Variants in R3HDM1 observed in about 807,000 individuals in gnomAD.
R3HDM1 encodes the protein R3H domain containing 1, also known as R3H domain-containing protein 1.
In R3HDM1, 46 loss-of-function variants were observed where a neutral mutation model predicts 141.1. The observed-to-expected ratio is 0.33, with a 90% confidence interval of 0.26 to 0.42. The LOEUF (loss-of-function observed/expected upper bound fraction) is 0.42, where lower values mean the gene tolerates loss of function less well. R3HDM1 is among the 10% of genes least tolerant of loss of function. The probability of loss-of-function intolerance (pLI) is 1.00; values close to 1 mark genes in which losing one functional copy is unlikely to be tolerated. For synonymous variants in R3HDM1, 435 were observed against 472.9 expected (o/e 0.92, Z 1.04); for missense variants, 1,184 against 1,368.3 (o/e 0.87, Z 2.12).
chr2:135,538,700 G>A (rs988360169), intron 1 of R3HDM1, among the ~76,000 whole-genome samples: 5 of 152,176 alleles, frequency 3.3e-5, no homozygotes, highest in Admixed American at 1.3e-4. Flanking sequence ...TGCAACCTCC[G>A]CCTCCTGGAT....
At chr2:135,715,004 A>G (rs1466894887) in intron 23 of R3HDM1, among the ~76,000 whole-genome samples, 2 of 152,222 alleles carry the variant, frequency 1.3e-5, no homozygotes, top group Non-Finnish European at 2.9e-5. Context: ...AGTAGGATGT[A>G]TAGTCTGTTC....
At chr2:135,548,651 A>C (rs1332728072) in intron 1 of R3HDM1, among the ~76,000 whole-genome samples, 1 of 151,860 alleles carries the variant, frequency 6.6e-6, no homozygotes, top group East Asian at 1.9e-4. Flanking sequence ...TTGGCTGTCT[A>C]GGATTTACAT....
intron 22 of R3HDM1, 46 bp downstream of exon 22, chr2:135,709,582 A>G: frequency 1.2e-6 from 2 of 1,601,848 alleles, no homozygotes; most frequent in Non-Finnish European, 1.7e-6. Flanking sequence ...CATATGAGAA[A>G]TAGTTCGATT....
intron 18 of R3HDM1, among the ~76,000 whole-genome samples, chr2:135,654,203 A>G (rs149042971): frequency 4.7e-4 from 72 of 152,096 alleles, no homozygotes; most frequent in African/African-American, 1.6e-3. Flanking sequence ...TGAATACTTC[A>G]TATTAATGGA....
intron 11 of R3HDM1, among the ~76,000 whole-genome samples, chr2:135,637,794 C>T (rs1242444618): frequency 2.0e-5 from 3 of 151,960 alleles, no homozygotes; most frequent in Non-Finnish European, 4.4e-5. Context: ...TTTTTTGTTT[C>T]GTTTTTTACT....
At chr2:135,617,375 T>C (rs1296861228) in intron 5 of R3HDM1, among the ~76,000 whole-genome samples, 3 of 152,002 alleles carry the variant, frequency 2.0e-5, no homozygotes, top group African/African-American at 7.3e-5. Flanking sequence ...GTGAATATAA[T>C]TGTGGTGAAA....
intron 23 of R3HDM1, among the ~76,000 whole-genome samples, chr2:135,711,377 A>G (rs965109331): frequency 7.2e-5 from 11 of 152,214 alleles, no homozygotes; most frequent in African/African-American, 2.7e-4. Context: ...ATCAAAAGAC[A>G]TTTTTTAAGG....
intron 20 of R3HDM1, among the ~76,000 whole-genome samples, chr2:135,675,849 G>A (rs1051483238): frequency 4.6e-5 from 7 of 152,136 alleles, no homozygotes; most frequent in African/African-American, 1.4e-4. Context: ...CCTCATTGCT[G>A]GGAGAGAGGA....
At chr2:135,629,624 C>T (rs755438197) in intron 7 of R3HDM1, among the ~76,000 whole-genome samples, 2 of 152,044 alleles carry the variant, frequency 1.3e-5, no homozygotes, top group Non-Finnish European at 2.9e-5. Context: ...AAGAATATTT[C>T]AGCAAAGGGG....
At chr2:135,708,493 A>C (rs1230288140) in intron 21 of R3HDM1, among the ~76,000 whole-genome samples, 1 of 152,230 alleles carries the variant, frequency 6.6e-6, no homozygotes, top group Non-Finnish European at 1.5e-5. Flanking sequence ...TGTTTTTGTA[A>C]GACAGCTTTT....
chr2:135,657,010 G>A (rs561958518), intron 18 of R3HDM1, among the ~76,000 whole-genome samples: 1 of 152,130 alleles, frequency 6.6e-6, no homozygotes, highest in East Asian at 1.9e-4. Context: ...TGAGGCACAA[G>A]AATTGCTTGA....
chr2:135,623,031 T>C lies in R3HDM1; in HGVS notation c.497+299T>C, dbSNP rs986699039. The C allele has an allele frequency of 2.3e-5, 23 of 980,930 alleles. No individual in the cohort carries two copies. In the East Asian group the frequency reaches 2.3e-3, roughly 97 times the overall value. 60.8% of individuals were successfully genotyped at this position (980,930 alleles called of 1,614,324 possible). A position where few individuals can be genotyped will look rare whatever the true frequency, so the allele number is the denominator to read the frequency against. ...CATTAATCATGAGAAAAAAGAAAAA[T>C]AGGTATCTCACCATAGTGCACTCAA... On this transcript the variant is annotated intron_variant, in intron 7 of 26. Transcript: ENST00000683871.
chr2:135,532,577 A>C (rs1017671669), intron 1 of R3HDM1, among the ~76,000 whole-genome samples: 4 of 151,914 alleles, frequency 2.6e-5, no homozygotes, highest in Non-Finnish European at 4.4e-5. Context: ...ATATATATAT[A>C]TCTTCATGGT....
At position 135,722,496 on chromosome 2, in the gene R3HDM1, C is replaced by T. The variant is rs756446722; in HGVS notation, c.2992C>T (p.Arg998Ter). The T allele has an allele frequency of 1.2e-6, 2 of 1,613,580 alleles. No individual in the cohort carries two copies. The highest frequency in any genetic ancestry group is 1.1e-5 in the South Asian group (1 of 90,984). The change falls in exon 26 of 27, where the codon CGA becomes TGA. Residue 998 changes from arginine (R) to a stop codon, truncating the protein, a stop_gained. Coordinates refer to ENST00000683871, the MANE Select transcript of R3HDM1 (RefSeq NM_001378107.1). LOFTEE classifies it high-confidence loss of function. ...TCAGCCTGGCAGCAGGCATGGAAAC[C>T]GAGGAAGGAGACAAGCTAAAAAAGC... Reference protein sequence around the residue: ...QGQPGSRHGNRGRRQAKKAAS... With the variant: ...QGQPGSRHGN
At chr2:135,657,049 G>T (rs947231525) in intron 18 of R3HDM1, among the ~76,000 whole-genome samples, 17 of 151,888 alleles carry the variant, frequency 1.1e-4, no homozygotes, top group African/African-American at 3.4e-4. Context: ...GCAGTGAGCT[G>T]AGATCGTGCC....
At chr2:135,656,470 T>C (rs1212785071) in intron 18 of R3HDM1, 1 of 152,160 alleles carries the variant, frequency 6.6e-6, no homozygotes, top group African/African-American at 2.4e-5. Flanking sequence ...TTTGAACTTT[T>C]TTTTTTTATA....
intron 3 of R3HDM1, among the ~76,000 whole-genome samples, chr2:135,609,530 C>T (rs1184960317): frequency 1.3e-5 from 2 of 152,084 alleles, no homozygotes; most frequent in Admixed American, 6.5e-5. Context: ...AGGTACATTT[C>T]GGACTTTATA....
intron 1 of R3HDM1, among the ~76,000 whole-genome samples, chr2:135,533,230 C>A (rs1695317701): frequency 6.6e-6 from 1 of 152,064 alleles, no homozygotes; most frequent in Non-Finnish European, 1.5e-5. Flanking sequence ...ATCACTTGAG[C>A]CCAGGAGTTC....
intron 1 of R3HDM1, chr2:135,565,784 T>C (rs1208554358): frequency 2.6e-5 from 4 of 152,888 alleles, no homozygotes; most frequent in African/African-American, 7.2e-5. Context: ...TAAAAAGCTC[T>C]ATGTTGGGGT....
Sources: gnomAD v4.1 joint callset for allele counts (sites outside exome capture counted in the v4.1 genomes callset) on GRCh38, gnomAD v4.1.1 for gene constraint, MANE v1.5 for transcripts, NCBI Gene and HGNC (gene_info 2026-07-23, HGNC 2026-07-21) for gene names.